FNIP1: variants seen among roughly 807,000 people sequenced by gnomAD.
FNIP1 encodes folliculin interacting protein 1, also known as folliculin-interacting protein 1.
Under a neutral mutation model 124.5 loss-of-function variants are expected in FNIP1, and 40 were observed. The observed-to-expected ratio is 0.32, with a 90% CI of 0.25 to 0.42. FNIP1 has a LOEUF of 0.42. FNIP1 is among the 10% of genes least tolerant of loss of function. The probability of loss-of-function intolerance (pLI) is 1.00; values close to 1 mark genes in which losing one functional copy is unlikely to be tolerated. For synonymous variants in FNIP1, 472 were observed against 470.6 expected, an observed-to-expected ratio of 1.00 and a Z score of -0.04; for missense variants, 1,176 against 1,403.7, an observed-to-expected ratio of 0.84 and a Z score of 2.59.
At chr5:131,738,145 C>A (rs987810474) in intron 2 of FNIP1, among the ~76,000 whole-genome samples, 14 of 151,842 alleles carry the variant, frequency 9.2e-5, no homozygotes, top group African/African-American at 3.4e-4. Flanking sequence ...GCAATCCTCT[C>A]ACCTCACCAT....
intron 3 of FNIP1, among the ~76,000 whole-genome samples, chr5:131,730,045 T>C (rs764715458): frequency 6.6e-6 from 1 of 152,074 alleles, no homozygotes. Context: ...CCGGCCCACA[T>C]GGCTAATTTT....
chr5:131,670,476 G>C lies in FNIP1; in HGVS notation c.3095C>G (p.Ser1032Cys), dbSNP rs756406723. The change falls in exon 15 of 18, where the codon TCT becomes TGT. Residue 1032 changes from serine (S) to cysteine (C), a missense_variant. Transcript: ENST00000510461. ...RFRQCLMSDL[S>C]HAVQHPVLDE... The stretch of plus-strand genomic sequence containing the variant: ...AAGGTCACTCACCTGCACAGCATGA[G>C]ATAAATCTGACATCAGACACTGACG... The C allele has an allele frequency of 8.1e-6, 13 of 1,610,048 alleles. No individual in the cohort carries two copies. Among genetic ancestry groups the C allele is most frequent in the Non-Finnish European group, 1.1e-5 (13 of 1,178,710 alleles).
chr5:131,690,955 C>T (rs142659964), intron 11 of FNIP1, among the ~76,000 whole-genome samples: 16 of 152,212 alleles, frequency 1.1e-4, no homozygotes, highest in South Asian at 6.2e-4. Context: ...ATCCATCAGG[C>T]GGAAAATTAG....
At position 131,703,953 on chromosome 5, in the gene FNIP1, T is replaced by C. The variant is rs889976716; in HGVS notation, c.1116+112A>G. 1.5e-5 allele frequency: 13 copies of C among 877,916 alleles called. No individual in the cohort carries two copies. The South Asian group carries it at 1.9e-4, about 13-fold the overall frequency. The allele number at this position is 877,916 out of a possible 1,614,324, so 54.4% of individuals were successfully genotyped here. A position where few individuals can be genotyped will look rare whatever the true frequency, so the allele number is the denominator to read the frequency against. ...TATTTGCATCCACCAGAGCACTTTATAGGACACATGCACAACGTCTGTTAA... is the reference window on the plus strand; with the variant it reads ...TATTTGCATCCACCAGAGCACTTTACAGGACACATGCACAACGTCTGTTAA... On this transcript the variant is annotated intron_variant, in intron 10 of 17. Coordinates refer to ENST00000510461, the MANE Select transcript of FNIP1 (RefSeq NM_133372.3).
rs139857435 is a variant in FNIP1 at position 131,671,912 on chromosome 5, G to A, written c.2532C>T (p.Ile844=). 130 of 1,613,932 alleles carry A rather than the reference G, an allele frequency of 8.1e-5. No individual in the cohort carries two copies. Among genetic ancestry groups the A allele is most frequent in the Non-Finnish European group, 1.0e-4 (118 of 1,180,022 alleles). ...GAACATCATCAATAGTCCTGGTTTC[G>A]ATTGAATCATCATTAAAATATTCGT... The part of the protein sequence containing the change: ...LFDEYFNDDS[I]ETRTIDDVPF... Residue 844 remains isoleucine (I), a synonymous_variant, in exon 14 of 18, where the codon ATC becomes ATT. Transcript: ENST00000510461.
chr5:131,702,074 A>C (rs1164439647), intron 10 of FNIP1, among the ~76,000 whole-genome samples: 2 of 152,270 alleles, frequency 1.3e-5, no homozygotes, highest in Non-Finnish European at 2.9e-5. Flanking sequence ...AATTGTGCAA[A>C]AGTAGAAATG....
At chr5:131,670,359 G>C in intron 15 of FNIP1, 104 bp downstream of exon 15, 1 of 920,968 alleles carries the variant, frequency 1.1e-6, no homozygotes, top group South Asian at 2.0e-5. Flanking sequence ...AGAGAACAAT[G>C]ATTGTGTTGT....
Position 131,651,806 on chromosome 5 carries a change from T to C in FNIP1, c.3302A>G (p.Asn1101Ser). Residue 1101 changes from asparagine to serine, a missense_variant, in exon 16 of 18, where the codon AAT becomes AGT. Physicochemically the swap from Asn to Ser is conservative, Grantham distance 46. Around this residue, in one of 2 missense-constraint regions of FNIP1, gnomAD observed 67 missense variants for 115.2 expected, o/e 0.58. Transcript: ENST00000510461. ...AGCAGTGTTACACATACTTACAAAA[T>C]TTGGAGACAAGTTATGCTTATAAAG... ...LQLYKHNLSP[N>S]FCVMHLEDRL... 1 of 1,613,876 alleles carries C rather than the reference T, an allele frequency of 6.2e-7. No individual in the cohort carries two copies. The highest frequency in any genetic ancestry group is 1.1e-5 in the South Asian group (1 of 91,060).
intron 1 of FNIP1, among the ~76,000 whole-genome samples, chr5:131,788,345 G>C (rs1772284668): frequency 6.6e-6 from 1 of 151,938 alleles, no homozygotes; most frequent in South Asian, 2.1e-4. Context: ...AAAATCAATA[G>C]GATTTAAGAT....
At chr5:131,663,396 T>C (rs1216809169) in intron 15 of FNIP1, among the ~76,000 whole-genome samples, 1 of 152,214 alleles carries the variant, frequency 6.6e-6, no homozygotes, top group Non-Finnish European at 1.5e-5. Context: ...GTCATGTGTG[T>C]GATGTTTATA....
chr5:131,675,973 C>T (rs781236531), intron 13 of FNIP1, among the ~76,000 whole-genome samples: 1 of 152,094 alleles, frequency 6.6e-6, no homozygotes, highest in Non-Finnish European at 1.5e-5. Context: ...ATTCTCCTGC[C>T]TCAGCCTCCT....
intron 15 of FNIP1, among the ~76,000 whole-genome samples, chr5:131,670,015 G>A (rs1271513124): frequency 6.6e-6 from 1 of 151,926 alleles, no homozygotes; most frequent in Non-Finnish European, 1.5e-5. Flanking sequence ...ATGAGCCTGT[G>A]TGTAGAAAAC....
intron 10 of FNIP1, among the ~76,000 whole-genome samples, chr5:131,701,372 C>G (rs757980213): frequency 1.3e-5 from 2 of 152,112 alleles, no homozygotes. Context: ...TTCTATAATG[C>G]CTATTTCAAG....
chr5:131,686,583 T>C (rs1768279237), intron 11 of FNIP1, among the ~76,000 whole-genome samples: 1 of 152,202 alleles, frequency 6.6e-6, no homozygotes, highest in Non-Finnish European at 1.5e-5. Flanking sequence ...ACTGTAAGTG[T>C]AATATAAATT....
chr5:131,775,825 G>A (rs1014476928), intron 1 of FNIP1, among the ~76,000 whole-genome samples: 5 of 152,132 alleles, frequency 3.3e-5, no homozygotes, highest in Admixed American at 2.6e-4. Flanking sequence ...ACCTTGCCCA[G>A]CCCTGTAGAG....
intron 1 of FNIP1, among the ~76,000 whole-genome samples, chr5:131,779,070 G>A (rs1448561219): frequency 1.1e-4 from 15 of 137,460 alleles, no homozygotes; most frequent in African/African-American, 2.7e-4. Flanking sequence ...TGGGTGCAGC[G>A]CACCAGCATG....
chr5:131,728,611 C>T (rs755760498), intron 3 of FNIP1, among the ~76,000 whole-genome samples: 4 of 152,104 alleles, frequency 2.6e-5, no homozygotes, highest in Non-Finnish European at 5.9e-5. Context: ...AGCTTCCTTG[C>T]ATTGGGTTAG....
At chr5:131,677,546 A>T in intron 13 of FNIP1, 157 bp downstream of exon 13, 1 of 644,192 alleles carries the variant, frequency 1.6e-6, no homozygotes. Flanking sequence ...AGACGAGGAT[A>T]AGACAAATTG....
At chr5:131,752,106 C>T (rs915521796) in intron 1 of FNIP1, among the ~76,000 whole-genome samples, 7 of 152,186 alleles carry the variant, frequency 4.6e-5, no homozygotes, top group Admixed American at 3.9e-4. Context: ...TGCAGTGGCG[C>T]GATCTTGGCT....
Sources: allele counts gnomAD v4.1 joint callset (sites outside exome capture counted in the v4.1 genomes callset), GRCh38; gene constraint gnomAD v4.1.1; regional missense constraint gnomAD v4.1.1; transcripts MANE v1.5; gene names NCBI Gene and HGNC (gene_info 2026-07-23, HGNC 2026-07-21).